SEMA5A: variants seen among roughly 807,000 people sequenced by gnomAD.
SEMA5A encodes the protein semaphorin 5A.
A neutral mutation model predicts 135.5 loss-of-function variants in SEMA5A; 55 were observed. That is an observed-to-expected ratio of 0.41 (90% CI 0.33 to 0.51). SEMA5A has a LOEUF of 0.51. SEMA5A is among the 20% of genes least tolerant of loss of function. The pLI is 0.37. For missense variants in SEMA5A, 1,290 were observed against 1,419.9 expected, an observed-to-expected ratio of 0.91 and a Z score of 1.47; for synonymous variants, 580 against 546.5, an observed-to-expected ratio of 1.06 and a Z score of -0.85.
intron 2 of SEMA5A, among the ~76,000 whole-genome samples, chr5:9,432,614 G>T (rs1757897279): frequency 1.3e-5 from 2 of 152,282 alleles, no homozygotes; most frequent in African/African-American, 2.4e-5. Flanking sequence ...TCTGTCCACG[G>T]TCAGGTGGTT....
chr5:9,270,668 C>T (rs1170417583), intron 5 of SEMA5A, among the ~76,000 whole-genome samples: 1 of 151,942 alleles, frequency 6.6e-6, no homozygotes, highest in Non-Finnish European at 1.5e-5. Flanking sequence ...AAAGCAGCAG[C>T]CCAGATTTGG....
intron 5 of SEMA5A, among the ~76,000 whole-genome samples, chr5:9,292,558 A>G (rs912814225): frequency 6.6e-6 from 1 of 152,178 alleles, no homozygotes; most frequent in Non-Finnish European, 1.5e-5. Context: ...AATTTCCATA[A>G]ACCAAAGGGA....
intron 1 of SEMA5A, among the ~76,000 whole-genome samples, chr5:9,499,279 T>C (rs1735462956): frequency 1.3e-5 from 2 of 152,238 alleles, no homozygotes; most frequent in Admixed American, 6.5e-5. Flanking sequence ...GAATTTAGTG[T>C]CGTGTCCTTA....
At chr5:9,084,440 G>A in intron 16 of SEMA5A, among the ~76,000 whole-genome samples, 1 of 152,198 alleles carries the variant, frequency 6.6e-6, no homozygotes, top group East Asian at 1.9e-4. Context: ...TATTGTGGGA[G>A]GAACCTGTTG....
intron 1 of SEMA5A, among the ~76,000 whole-genome samples, chr5:9,479,170 T>C (rs1340540000): frequency 1.3e-5 from 2 of 152,192 alleles, no homozygotes; most frequent in African/African-American, 4.8e-5. Flanking sequence ...GTGAGCCAAG[T>C]AAATCTCTTT....
chr5:9,070,558 G>A (rs1218735710), intron 16 of SEMA5A, among the ~76,000 whole-genome samples: 1 of 152,134 alleles, frequency 6.6e-6, no homozygotes, highest in African/African-American at 2.4e-5. Context: ...TCTTTCTATG[G>A]AGATGAAGTT....
At chr5:9,122,560 T>G in intron 14 of SEMA5A, 96 bp downstream of exon 14, 1 of 1,262,724 alleles carries the variant, frequency 7.9e-7, no homozygotes, top group Non-Finnish European at 1.0e-6. Flanking sequence ...CACAGTTCTC[T>G]CCAAAAGGGA....
chr5:9,153,617 G>GC (rs1370853746), intron 12 of SEMA5A, among the ~76,000 whole-genome samples: 2 of 151,794 alleles, frequency 1.3e-5, no homozygotes, highest in Admixed American at 6.6e-5. Flanking sequence ...GGGGAGGGGG[G>GC]GGTGTCCCGG....
chr5:9,394,743 G>A (rs1756315486), intron 2 of SEMA5A, among the ~76,000 whole-genome samples: 1 of 152,106 alleles, frequency 6.6e-6, no homozygotes, highest in Non-Finnish European at 1.5e-5. Flanking sequence ...CAAGAATGGA[G>A]GTAGCAAATG....
At chr5:9,265,130 A>G (rs1167360418) in intron 5 of SEMA5A, among the ~76,000 whole-genome samples, 2 of 152,184 alleles carry the variant, frequency 1.3e-5, no homozygotes, top group Admixed American at 1.3e-4. Context: ...GGATGAAATA[A>G]GGACATTCCC....
intron 4 of SEMA5A, among the ~76,000 whole-genome samples, chr5:9,327,217 G>A (rs1474049030): frequency 1.3e-5 from 2 of 151,820 alleles, no homozygotes; most frequent in African/African-American, 4.8e-5. Flanking sequence ...TTTAAAATAT[G>A]GTGACAAATT....
chr5:9,198,963 T>G (rs17253526), intron 9 of SEMA5A, among the ~76,000 whole-genome samples: 22,349 of 152,090 alleles, frequency 0.15, 1,917 homozygotes, highest in Admixed American at 0.26. Context: ...AATTTCTCAC[T>G]GAGAACCTAC....
intron 12 of SEMA5A, among the ~76,000 whole-genome samples, chr5:9,153,767 C>A (rs1742768177): frequency 6.6e-6 from 1 of 151,718 alleles, no homozygotes; most frequent in Non-Finnish European, 1.5e-5. Context: ...AGCTTGAGGC[C>A]AGGTGCAGTA....
chr5:9,330,152 A>G (rs1245374005), intron 4 of SEMA5A, among the ~76,000 whole-genome samples: 1 of 151,886 alleles, frequency 6.6e-6, no homozygotes, highest in Non-Finnish European at 1.5e-5. Context: ...TACAGATGGG[A>G]GGCCGAGGTG....
At chr5:9,072,626 C>T (rs989006319) in intron 16 of SEMA5A, among the ~76,000 whole-genome samples, 1 of 152,140 alleles carries the variant, frequency 6.6e-6, no homozygotes, top group Non-Finnish European at 1.5e-5. Context: ...TGGTTGGATA[C>T]CAAAAGGGGC....
At chr5:9,054,802 TGAA>T (rs1216290996) in intron 18 of SEMA5A, among the ~76,000 whole-genome samples, 2 of 152,176 alleles carry the variant, frequency 1.3e-5, no homozygotes, top group African/African-American at 4.8e-5. Flanking sequence ...GGAAGGTAAC[TGAA>T]GAATGCTCGG....
chr5:9,086,187 A>G (rs1215255295), intron 16 of SEMA5A, among the ~76,000 whole-genome samples: 1 of 152,166 alleles, frequency 6.6e-6, no homozygotes, highest in Non-Finnish European at 1.5e-5. Flanking sequence ...TTTTGAGTTA[A>G]TGCTGAAGTG....
intron 21 of SEMA5A, among the ~76,000 whole-genome samples, chr5:9,047,629 GATT>G (rs1277006401): frequency 3.3e-5 from 5 of 152,144 alleles, no homozygotes; most frequent in African/African-American, 1.2e-4. Flanking sequence ...CCTGTACAAT[GATT>G]GATTTTCAAC....
At chr5:9,143,922 G>A (rs1742194214) in intron 12 of SEMA5A, among the ~76,000 whole-genome samples, 1 of 152,190 alleles carries the variant, frequency 6.6e-6, no homozygotes, top group Non-Finnish European at 1.5e-5. Context: ...CCTCTTCCAT[G>A]GCTAGGATTG....
Sources: allele counts gnomAD v4.1 joint callset (sites outside exome capture counted in the v4.1 genomes callset), GRCh38; gene constraint gnomAD v4.1.1; transcripts MANE v1.5; gene names NCBI Gene and HGNC (gene_info 2026-07-23, HGNC 2026-07-21).